ZNF385D: variants seen among roughly 807,000 people sequenced by gnomAD.
The protein encoded by ZNF385D is zinc finger protein 659.
A neutral mutation model predicts 35.8 loss-of-function variants in ZNF385D; 15 were observed. The observed-to-expected ratio is 0.42, with a 90% confidence interval of 0.28 to 0.64. The LOEUF is 0.64. ZNF385D is among the 30% of genes least tolerant of loss of function. ZNF385D has a pLI of 0.23. For synonymous variants in ZNF385D, 212 were observed against 186.8 expected (o/e 1.13, Z -1.10); for missense variants, 474 against 494.6 (o/e 0.96, Z 0.39).
intron 1 of ZNF385D, among the ~76,000 whole-genome samples, chr3:21,711,066 G>T (rs2068087813): frequency 5.9e-5 from 1 of 17,038 alleles, no homozygotes; most frequent in Admixed American, 7.4e-4. Context: ...TTTTGAGATG[G>T]AGTCTTGCTC....
intron 3 of ZNF385D, among the ~76,000 whole-genome samples, chr3:22,079,165 C>G (rs1400150643): frequency 6.6e-6 from 1 of 152,020 alleles, no homozygotes; most frequent in East Asian, 1.9e-4. Context: ...TTAGCCAATG[C>G]TAAACTTGAG....
intron 2 of ZNF385D, among the ~76,000 whole-genome samples, chr3:22,278,714 G>C (rs1051404312): frequency 2.4e-4 from 36 of 152,172 alleles, no homozygotes; most frequent in Middle Eastern, 6.8e-3. Context: ...CCAGGGGTTT[G>C]AAGAAAGGAT....
intron 3 of ZNF385D, among the ~76,000 whole-genome samples, chr3:22,094,566 G>A (rs193037330): frequency 1.4e-4 from 22 of 151,888 alleles, no homozygotes; most frequent in Non-Finnish European, 2.4e-4. Flanking sequence ...AGAGGTGGAA[G>A]GAAGAAGTGA....
At chr3:21,960,203 T>TACAAACACACACACACAC (rs1702509750) in intron 3 of ZNF385D, among the ~76,000 whole-genome samples, 1 of 149,372 alleles carries the variant, frequency 6.7e-6, no homozygotes, top group South Asian at 2.1e-4. Flanking sequence ...TAAACAGCAA[T>TACAAACACACACACACAC]ACACACACAC....
intron 3 of ZNF385D, among the ~76,000 whole-genome samples, chr3:22,146,380 A>G (rs945206186): frequency 2.0e-5 from 3 of 152,206 alleles, no homozygotes; most frequent in Non-Finnish European, 2.9e-5. Flanking sequence ...AAACTGACAG[A>G]CTACAACAGT....
At position 22,113,761 on chromosome 3, in the gene ZNF385D, G is replaced by C. The variant is rs116000628; in HGVS notation, c.325+55056C>G. ...CTCACTTTGGGAGGCCAAGGCGGGT[G>C]AATCACGAGTCAGGAGATAAAGTCT... is the stretch of plus-strand genomic sequence containing the variant. On this transcript the variant is annotated intron_variant, in intron 3 of 5. Coordinates refer to the ZNF385D transcript ENST00000494108. Among the ~76,000 whole-genome samples, 213 of 152,138 alleles carry C rather than the reference G, an allele frequency of 1.4e-3. 1 individual carries two copies. Among genetic ancestry groups the C allele is most frequent in the Non-Finnish European group, 2.0e-3 (136 of 67,970 alleles).
intron 3 of ZNF385D, among the ~76,000 whole-genome samples, chr3:22,090,730 G>C (rs1261760493): frequency 6.6e-6 from 1 of 152,094 alleles, no homozygotes; most frequent in Non-Finnish European, 1.5e-5. Context: ...ACTTGGAAGG[G>C]GGACATACGT....
At chr3:22,106,313 G>C (rs79152006) in intron 3 of ZNF385D, among the ~76,000 whole-genome samples, 2 of 152,052 alleles carry the variant, frequency 1.3e-5, no homozygotes, top group South Asian at 2.1e-4. Flanking sequence ...GATGAAGTAA[G>C]GACAATTACT....
intron 2 of ZNF385D, among the ~76,000 whole-genome samples, chr3:22,182,510 G>A (rs1695345950): frequency 6.6e-6 from 1 of 151,934 alleles, no homozygotes; most frequent in South Asian, 2.1e-4. Flanking sequence ...AGGACACATT[G>A]CAGGGATCCA....
intron 2 of ZNF385D, among the ~76,000 whole-genome samples, chr3:22,190,429 A>T (rs1166293056): frequency 6.6e-6 from 1 of 152,216 alleles, no homozygotes; most frequent in Non-Finnish European, 1.5e-5. Context: ...ATTGCATTTC[A>T]AATGAGTGGT....
At chr3:22,079,357 A>G (rs1456884095) in intron 3 of ZNF385D, among the ~76,000 whole-genome samples, 1 of 152,056 alleles carries the variant, frequency 6.6e-6, no homozygotes, top group Non-Finnish European at 1.5e-5. Context: ...TAAATAAATT[A>G]CATGATTACA....
At chr3:22,215,921 G>C (rs959956648) in intron 2 of ZNF385D, among the ~76,000 whole-genome samples, 2 of 151,944 alleles carry the variant, frequency 1.3e-5, no homozygotes, top group Non-Finnish European at 2.9e-5. Context: ...CGACACTTAA[G>C]GAATATAGAA....
At chr3:21,960,262 T>A (rs933964577) in intron 3 of ZNF385D, among the ~76,000 whole-genome samples, 1 of 149,850 alleles carries the variant, frequency 6.7e-6, no homozygotes, top group African/African-American at 2.4e-5. Context: ...GGTTAAAAAG[T>A]GGCAGAGGAT....
rs555022196 is a variant in ZNF385D, at chr3:22,085,391, G to T, written c.325+83426C>A. Among the ~76,000 whole-genome samples the T allele has an allele frequency of 7.2e-5, 11 of 152,212 alleles. No individual in the cohort carries two copies. The South Asian group carries it at 1.9e-3, about 26-fold the overall frequency. On this transcript the variant is annotated intron_variant, in intron 3 of 5. Transcript: ENST00000494108. The stretch of plus-strand genomic sequence containing the variant: ...AGATGCAATAAAAACTGATAAAGGC[G>T]ATATCACCACCGATCCCACGGAAAT...
intron 3 of ZNF385D, among the ~76,000 whole-genome samples, chr3:21,930,173 C>T (rs1700929527): frequency 6.7e-6 from 1 of 149,666 alleles, no homozygotes; most frequent in Admixed American, 6.7e-5. Flanking sequence ...ACAGGAATGC[C>T]AAGAAAGTTA....
At chr3:22,152,060 G>A (rs544113130) in intron 3 of ZNF385D, among the ~76,000 whole-genome samples, 120 of 152,096 alleles carry the variant, frequency 7.9e-4, no homozygotes, top group African/African-American at 2.8e-3. Flanking sequence ...TTGCGTCTGT[G>A]TGTTCTCATC....
At chr3:22,322,799 C>T (rs1283378393) in intron 2 of ZNF385D, among the ~76,000 whole-genome samples, 3 of 152,192 alleles carry the variant, frequency 2.0e-5, no homozygotes, top group Admixed American at 2.0e-4. Flanking sequence ...TTAAACTCTT[C>T]TTCTGAATTA....
chr3:21,778,710 A>G (rs552733291), intron 3 of ZNF385D, among the ~76,000 whole-genome samples: 87 of 152,098 alleles, frequency 5.7e-4, no homozygotes, highest in Non-Finnish European at 1.1e-3. Flanking sequence ...TTTAATTAAA[A>G]TAATTTAAAA....
At chr3:21,493,847 C>T (rs1705616845) in intron 4 of ZNF385D, among the ~76,000 whole-genome samples, 1 of 152,074 alleles carries the variant, frequency 6.6e-6, no homozygotes, top group Admixed American at 6.6e-5. Flanking sequence ...AGCAATAATT[C>T]CAAGGAGATC....
Sources: gnomAD v4.1 joint callset for allele counts (sites outside exome capture counted in the v4.1 genomes callset) on GRCh38, gnomAD v4.1.1 for gene constraint, MANE v1.5 for transcripts, NCBI Gene and HGNC (gene_info 2026-07-23, HGNC 2026-07-21) for gene names.